AGO1: variants seen among roughly 807,000 people sequenced by gnomAD.
AGO1 encodes the protein argonaute RISC component 1.
In AGO1, 11 loss-of-function variants were observed where a neutral mutation model predicts 109.2. The ratio of observed to expected loss-of-function variants is 0.10; its 90% CI spans 0.06 to 0.17. AGO1 has a LOEUF of 0.17. Among genes scored for constraint, AGO1 ranks in the 10% least tolerant of loss-of-function variants. AGO1 has a pLI of 1.00. For synonymous variants in AGO1, 422 were observed against 418.6 expected (o/e 1.01, Z -0.10); for missense variants, 574 against 1,140.3 (o/e 0.50, Z 7.15).
Position 35,893,174 on chromosome 1 carries a change from G to A in AGO1, c.408G>A (p.Val136=). Residue 136 remains valine (V), a synonymous_variant, in exon 4 of 19, where the codon GTG becomes GTA. Coordinates refer to ENST00000373204, the MANE Select transcript of AGO1 (RefSeq NM_012199.5). The surrounding 1 kb of genome is among the most constrained non-coding windows in gnomAD (Gnocchi z 5.6). ...FKVSIKWLAI[V]SWRMLHEALV... The stretch of plus-strand genomic sequence containing the variant: ...TCTCCATCAAGTGGCTAGCCATTGT[G>A]AGCTGGCGAATGCTGCATGAGGCCC... 1 of 1,614,158 alleles carries A rather than the reference G, an allele frequency of 6.2e-7. No homozygotes were observed. The highest frequency in any genetic ancestry group is 2.2e-5 in the East Asian group (1 of 44,882).
intron 11 of AGO1, among the ~76,000 whole-genome samples, chr1:35,905,016 C>T (rs1645493783): frequency 6.6e-6 from 1 of 152,024 alleles, no homozygotes; most frequent in Non-Finnish European, 1.5e-5. Flanking sequence ...CTAAAGAGGC[C>T]CTATTACTTT....
At chr1:35,879,792 T>C (rs1645021632), upstream of AGO1, among the ~76,000 whole-genome samples, 1 of 143,958 alleles carries the variant, frequency 6.9e-6, no homozygotes, top group African/African-American at 2.5e-5. Context: ...TCCATTTTAC[T>C]CTGCCACTTT....
Position 35,893,655 on chromosome 1 carries a change from C to G in AGO1, c.513-19C>G. 2 of 1,601,584 alleles carry G rather than the reference C, an allele frequency of 1.2e-6. No homozygotes were observed. The highest frequency in any genetic ancestry group is 1.1e-5 in the South Asian group (1 of 90,042). On this transcript the variant is annotated intron_variant, in intron 4 of 18. Coordinates refer to ENST00000373204, the MANE Select transcript of AGO1 (RefSeq NM_012199.5). This position sits in a 1 kb window ranked among gnomAD's most constrained non-coding sequence, Gnocchi z 5.6. ...GGGGCCTGTGCCCGAGGGACCAGTT[C>G]TCTGCCTGTCCCTGCCAGGTACACC...
In AGO1 at chr1:35,930,150, G is replaced by T; in HGVS notation, c.*10543G>T. 6.6e-6 allele frequency: 1 copy of T among 152,250 alleles called. No homozygotes were observed. 9.4% of individuals were successfully genotyped at this position (152,250 alleles called of 1,614,324 possible). A position where few individuals can be genotyped will look rare whatever the true frequency, so the allele number is the denominator to read the frequency against. On this transcript the variant is annotated 3_prime_UTR_variant, in exon 19 of 19. Coordinates refer to ENST00000373204, the MANE Select transcript of AGO1 (RefSeq NM_012199.5). ...TTTGCCTGACATTCAAGTGAGGTGG[G>T]GGGCACACAAGTAGTAAATAAATAA...
At chr1:35,891,438 A>G (rs189983617) in intron 2 of AGO1, among the ~76,000 whole-genome samples, 2 of 152,040 alleles carry the variant, frequency 1.3e-5, no homozygotes, top group East Asian at 3.8e-4. Flanking sequence ...GTTTATTCTT[A>G]TTCCAGTTCA....
rs902102576 is a variant in AGO1 at position 35,925,728 on chromosome 1, C to T, written c.*6121C>T. ...TTAACTACATTATCATTGTCTTTTC[C>T]CACTCACCCCAAGTTGGAGGTTCTA... On this transcript the variant is annotated 3_prime_UTR_variant, in exon 19 of 19. Transcript: ENST00000373204. The T allele has an allele frequency of 6.6e-6, 1 of 151,920 alleles. No homozygotes were observed. The highest frequency in any genetic ancestry group is 1.5e-5 in the Non-Finnish European group (1 of 68,010). The allele number at this position is 151,920 out of a possible 1,614,324, so 9.4% of individuals were successfully genotyped here.
intron 8 of AGO1, among the ~76,000 whole-genome samples, chr1:35,899,250 G>A (rs1042753211): frequency 1.7e-4 from 26 of 152,176 alleles, no homozygotes; most frequent in Non-Finnish European, 3.1e-4. Flanking sequence ...ATAATAGTCC[G>A]TTGTATGTAT....
chr1:35,909,986 C>T (rs1442256866), intron 12 of AGO1, among the ~76,000 whole-genome samples: 1 of 151,852 alleles, frequency 6.6e-6, no homozygotes, highest in Non-Finnish European at 1.5e-5. Flanking sequence ...CAGAATTTTC[C>T]CTTTCCTGGG....
At chr1:35,908,755 T>A (rs2148719978) in intron 12 of AGO1, among the ~76,000 whole-genome samples, 1 of 152,216 alleles carries the variant, frequency 6.6e-6, no homozygotes, top group African/African-American at 2.4e-5. Context: ...CTTCTTCAAA[T>A]TTTTCTCAAG....
chr1:35,875,429 T>A (rs369457261), intron 1 of AGO1, among the ~76,000 whole-genome samples: 1 of 152,222 alleles, frequency 6.6e-6, no homozygotes, highest in African/African-American at 2.4e-5. Flanking sequence ...TTATTTATTT[T>A]TTGAGACAAA....
At chr1:35,908,026 T>C (rs1645556696) in intron 12 of AGO1, among the ~76,000 whole-genome samples, 1 of 152,184 alleles carries the variant, frequency 6.6e-6, no homozygotes, top group African/African-American at 2.4e-5. Flanking sequence ...AGTCTGAGGC[T>C]AAAGGATTTC....
At chr1:35,909,272 A>C (rs188256797) in intron 12 of AGO1, among the ~76,000 whole-genome samples, 85 of 152,318 alleles carry the variant, frequency 5.6e-4, no homozygotes, top group Non-Finnish European at 1.0e-3. Flanking sequence ...TTCACTTGCC[A>C]CTCATACTGG....
intron 11 of AGO1, among the ~76,000 whole-genome samples, chr1:35,905,015 C>A (rs973001092): frequency 2.0e-5 from 3 of 152,082 alleles, no homozygotes; most frequent in Admixed American, 2.0e-4. Flanking sequence ...GCTAAAGAGG[C>A]CCTATTACTT....
chr1:35,925,117 G>GGTAGGAGAAGAAATCAGAGT lies in AGO1; in HGVS notation c.*5511_*5530dup, dbSNP rs1553157891. ...TTTCTTTGTTTAGCCAGTTTGGTGA[G>GGTAGGAGAAGAAATCAGAGT]GTAGGAGAAGAAATCAGAGTAGAAG... On this transcript the variant is annotated 3_prime_UTR_variant, in exon 19 of 19. Transcript: ENST00000373204. 1 of 151,914 alleles carries GGTAGGAGAAGAAATCAGAGT rather than the reference G, an allele frequency of 6.6e-6. No individual in the cohort carries two copies. The highest frequency in any genetic ancestry group is 1.5e-5 in the Non-Finnish European group (1 of 67,994). The allele number at this position is 151,914 out of a possible 1,614,324, so 9.4% of individuals were successfully genotyped here. A position where few individuals can be genotyped will look rare whatever the true frequency, so the allele number is the denominator to read the frequency against.
chr1:35,920,779 A>T lies in AGO1; in HGVS notation c.*1172A>T, dbSNP rs1039642957. On this transcript the variant is annotated 3_prime_UTR_variant, in exon 19 of 19. Coordinates refer to ENST00000373204, the MANE Select transcript of AGO1 (RefSeq NM_012199.5). ...TTCTCCCTTGATGGTCAAGTCTCTT[A>T]TGTTTCAATATTTCTTAACTGGGGT... 6.6e-6 allele frequency: 1 copy of T among 152,502 alleles called. No individual in the cohort carries two copies. Among genetic ancestry groups the T allele is most frequent in the African/African-American group, 2.4e-5 (1 of 41,378 alleles). 9.4% of individuals were successfully genotyped at this position (152,502 alleles called of 1,614,324 possible).
At chr1:35,908,979 C>A (rs1306604852) in intron 12 of AGO1, among the ~76,000 whole-genome samples, 2 of 151,934 alleles carry the variant, frequency 1.3e-5, no homozygotes, top group African/African-American at 4.8e-5. Context: ...TACCATGCCT[C>A]GCTAATTTTT....
chr1:35,880,444 C>CT (rs1645026347), upstream of AGO1, among the ~76,000 whole-genome samples: 1 of 152,106 alleles, frequency 6.6e-6, no homozygotes. Context: ...CACCTGTAGT[C>CT]TCAGCAACTC....
chr1:35,918,934 G>C lies in AGO1; in HGVS notation c.2266-121G>C, dbSNP rs550168397. The C allele has an allele frequency of 4.6e-6, 4 of 869,904 alleles. No homozygotes were observed. The South Asian group carries it at 6.2e-5, about 14-fold the overall frequency. The allele number at this position is 869,904 out of a possible 1,614,324, so 53.9% of individuals were successfully genotyped here. On this transcript the variant is annotated intron_variant, in intron 17 of 18. Coordinates refer to ENST00000373204, the MANE Select transcript of AGO1 (RefSeq NM_012199.5). ...AGTGCTTTATGACATTGGTAGTTTT[G>C]CATCTGCCTGTTCATGGGTGAATTA...
chr1:35,894,074 T>C lies in AGO1; in HGVS notation c.687T>C (p.Ile229=). Reference sequence around the variant, plus strand: ...CCTTTTATAAGGCACAGCCAGTGATTGAGTTCATGTGTGAGGTGCTGGACA... The same window carrying C: ...CCTTTTATAAGGCACAGCCAGTGATCGAGTTCATGTGTGAGGTGCTGGACA... ...ATAFYKAQPV[I]EFMCEVLDIR... is the part of the protein sequence containing the mutation. The change falls in exon 6 of 19, where the codon ATT becomes ATC. Residue 229 remains isoleucine, a synonymous_variant. Coordinates refer to ENST00000373204, the MANE Select transcript of AGO1 (RefSeq NM_012199.5). The C allele has an allele frequency of 6.3e-7, 1 of 1,577,252 alleles. No individual in the cohort carries two copies.
Sources: allele counts gnomAD v4.1 joint callset (sites outside exome capture counted in the v4.1 genomes callset), GRCh38; gene constraint gnomAD v4.1.1; non-coding constraint Gnocchi (gnomAD v3.1); transcripts MANE v1.5; gene names NCBI Gene and HGNC (gene_info 2026-07-23, HGNC 2026-07-21).